Variants in MGRN1 observed in about 807,000 individuals in gnomAD.
The protein encoded by MGRN1 is mahogunin ring finger 1, also known as E3 ubiquitin-protein ligase MGRN1.
Under a neutral mutation model 69.2 loss-of-function variants are expected in MGRN1, and 29 were observed. The ratio of observed to expected loss-of-function variants is 0.42; its 90% CI spans 0.31 to 0.57. MGRN1 has a LOEUF of 0.57. Ranked by LOEUF, MGRN1 falls within the 20% of genes least tolerant of loss-of-function variation. The pLI is 0.15. For synonymous variants in MGRN1, 470 were observed against 344.2 expected (o/e 1.37, Z -4.04); for missense variants, 998 against 796.2 (o/e 1.25, Z -3.05).
At chr16:4,642,264 G>C (rs1415096787) in intron 1 of MGRN1, among the ~76,000 whole-genome samples, 1 of 151,786 alleles carries the variant, frequency 6.6e-6, no homozygotes, top group East Asian at 1.9e-4. Context: ...CCGAGTAGTG[G>C]GGATTACAGG....
Position 4,677,916 on chromosome 16 carries a change from T to C in MGRN1, c.1065+344T>C, listed in dbSNP as rs112271769. On this transcript the variant is annotated intron_variant, in intron 11 of 16. Coordinates refer to ENST00000262370, the MANE Select transcript of MGRN1 (RefSeq NM_015246.4). ...GGTGTGCACCCAAAGTGGTGCAATGTCAGCTCACTGCAGCCTCGACCTCCC... is the reference window on the plus strand; with the variant it reads ...GGTGTGCACCCAAAGTGGTGCAATGCCAGCTCACTGCAGCCTCGACCTCCC... Among the ~76,000 whole-genome samples, 638 of 150,470 alleles carry C rather than the reference T, an allele frequency of 4.2e-3. 6 individuals are homozygous for C. The highest frequency in any genetic ancestry group is 0.015 in the African/African-American group (610 of 40,918).
intron 2 of MGRN1, 126 bp downstream of exon 2, chr16:4,650,609 C>A: frequency 2.7e-6 from 2 of 730,386 alleles, no homozygotes; most frequent in African/African-American, 1.8e-5. Flanking sequence ...GAGCTCCTGG[C>A]AGGATTCCAG....
At chr16:4,654,199 G>A (rs993826215) in intron 4 of MGRN1, among the ~76,000 whole-genome samples, 6 of 152,066 alleles carry the variant, frequency 3.9e-5, no homozygotes, top group Admixed American at 2.6e-4. Context: ...CCTACCACCC[G>A]GGAAATTCCA....
intron 1 of MGRN1, among the ~76,000 whole-genome samples, chr16:4,626,952 T>C (rs1173508799): frequency 6.6e-6 from 1 of 152,242 alleles, no homozygotes; most frequent in African/African-American, 2.4e-5. Flanking sequence ...TCCCTTTCTC[T>C]TCTCCATCCT....
intron 16 of MGRN1, chr16:4,686,346 T>G: frequency 6.5e-7 from 1 of 1,537,258 alleles, no homozygotes; most frequent in East Asian, 2.5e-5. Flanking sequence ...CTGACGCGCG[T>G]CCTTGGAGAG....
At chr16:4,679,421 CCT>C (rs2079127306) in intron 11 of MGRN1, among the ~76,000 whole-genome samples, 1 of 152,286 alleles carries the variant, frequency 6.6e-6, no homozygotes, top group African/African-American at 2.4e-5. Context: ...GAGCCGCCGT[CCT>C]CTCTGCATGG....
intron 11 of MGRN1, among the ~76,000 whole-genome samples, chr16:4,678,529 G>A (rs748656492): frequency 6.6e-6 from 1 of 152,056 alleles, no homozygotes; most frequent in Non-Finnish European, 1.5e-5. Context: ...AGACAGATGT[G>A]GAGAGACGGA....
chr16:4,688,584 C>G (rs2079388045), intron 16 of MGRN1: 13 of 1,303,430 alleles, frequency 1.0e-5, no homozygotes, highest in Non-Finnish European at 1.3e-5. Context: ...CTGGGATCGT[C>G]TGTCCCAAGA....
At chr16:4,681,335 C>T (rs148544461) in intron 12 of MGRN1, 10,305 of 563,374 alleles carry the variant, frequency 0.018, 145 homozygotes, top group Non-Finnish European at 0.024. Context: ...TCATCCCAGG[C>T]ACCAGCGTGG....
intron 13 of MGRN1, among the ~76,000 whole-genome samples, chr16:4,682,284 C>CA (rs1391814299): frequency 5.3e-5 from 8 of 152,264 alleles, no homozygotes; most frequent in African/African-American, 1.9e-4. Context: ...ATCCATCACT[C>CA]ATACGACAGC....
intron 1 of MGRN1, among the ~76,000 whole-genome samples, chr16:4,644,735 A>G (rs923683931): frequency 5.3e-5 from 8 of 152,242 alleles, no homozygotes; most frequent in African/African-American, 1.7e-4. Flanking sequence ...TAGTACAAAA[A>G]TTAATGATTC....
Position 4,628,387 on chromosome 16 carries a change from A to G in MGRN1, c.88+3339A>G, listed in dbSNP as rs1163118896. ...GCGATAGAGTGTGACTCTGTCTCCA[A>G]AAAAAAAAAAAAAAAAGGAGGGGAC... On this transcript the variant is annotated intron_variant, in intron 1 of 16. Coordinates refer to ENST00000262370, the MANE Select transcript of MGRN1 (RefSeq NM_015246.4). Among the ~76,000 whole-genome samples, 4 of 7,170 alleles carry G rather than the reference A, an allele frequency of 5.6e-4. No homozygotes were observed. In the Non-Finnish European group the frequency reaches 0.048, roughly 87 times the overall value. The allele number at this position is 7,170 out of a possible 152,430, so 4.7% of individuals were successfully genotyped here.
At chr16:4,634,069 G>A (rs925849562) in intron 1 of MGRN1, among the ~76,000 whole-genome samples, 2 of 152,234 alleles carry the variant, frequency 1.3e-5, no homozygotes, top group Middle Eastern at 3.2e-3. Context: ...CCCTGTAGGC[G>A]TGTGGTGGGA....
intron 8 of MGRN1, among the ~76,000 whole-genome samples, chr16:4,669,540 C>T (rs537353663): frequency 2.6e-5 from 4 of 151,828 alleles, no homozygotes; most frequent in Admixed American, 6.6e-5. Flanking sequence ...TTTGCGTGCC[C>T]GCCATGTACA....
chr16:4,682,981 C>A (rs2079222996), intron 14 of MGRN1, 35 bp downstream of exon 14: 7 of 1,506,680 alleles, frequency 4.6e-6, no homozygotes. Flanking sequence ...GCGCACCCGC[C>A]CGGGCCAGCC....
intron 1 of MGRN1, among the ~76,000 whole-genome samples, chr16:4,641,662 G>T (rs1478389447): frequency 6.6e-6 from 1 of 151,998 alleles, no homozygotes; most frequent in Non-Finnish European, 1.5e-5. Flanking sequence ...GGGATTACAG[G>T]CACCCACCAC....
intron 2 of MGRN1, 68 bp downstream of exon 2, chr16:4,650,551 TC>T: frequency 7.8e-7 from 1 of 1,276,090 alleles, no homozygotes; most frequent in Non-Finnish European, 1.1e-6. Flanking sequence ...GCAGTCCGCA[TC>T]CCAGCCATGA....
At chr16:4,650,577 C>A in intron 2 of MGRN1, 94 bp downstream of exon 2, 2 of 982,866 alleles carry the variant, frequency 2.0e-6, no homozygotes, top group African/African-American at 1.7e-5. Flanking sequence ...AAGCAGGCAC[C>A]AAATCACCCC....
chr16:4,685,534 C>T (rs1247612475), intron 16 of MGRN1, among the ~76,000 whole-genome samples: 1 of 152,236 alleles, frequency 6.6e-6, no homozygotes, highest in African/African-American at 2.4e-5. Context: ...GGCCCTGGGC[C>T]CCGCTCTTGG....
Sources: gnomAD v4.1 joint callset for allele counts (sites outside exome capture counted in the v4.1 genomes callset) on GRCh38, gnomAD v4.1.1 for gene constraint, MANE v1.5 for transcripts, NCBI Gene and HGNC (gene_info 2026-07-23, HGNC 2026-07-21) for gene names.